NHSL1: variants seen among roughly 807,000 people sequenced by gnomAD.
The protein encoded by NHSL1 is NHS like 1.
A neutral mutation model predicts 95.0 loss-of-function variants in NHSL1; 48 were observed. That is an observed-to-expected ratio of 0.51 (90% confidence interval 0.40 to 0.64). NHSL1 has a LOEUF of 0.64. NHSL1 is among the 30% of genes least tolerant of loss of function. The pLI, the probability that NHSL1 is intolerant of heterozygous loss-of-function variation, is 0.00. For missense variants in NHSL1, 1,971 were observed against 2,077.7 expected (o/e 0.95, Z 1.00); for synonymous variants, 783 against 833.9 (o/e 0.94, Z 1.05).
intron 1 of NHSL1, among the ~76,000 whole-genome samples, chr6:138,570,589 T>C (rs375754034): frequency 3.3e-5 from 5 of 152,236 alleles, no homozygotes; most frequent in South Asian, 4.1e-4. Flanking sequence ...TCTTGTGCCA[T>C]AGTTTAACAG....
intron 2 of NHSL1, among the ~76,000 whole-genome samples, chr6:138,484,742 CCAAAA>C (rs1023683151): frequency 6.6e-6 from 1 of 152,030 alleles, no homozygotes; most frequent in Non-Finnish European, 1.5e-5. Context: ...TTAAAACCTC[CCAAAA>C]CAAAACAAAA....
In NHSL1 at chr6:138,432,843, A is replaced by G; in HGVS notation, c.1502T>C (p.Val501Ala). 6.4e-7 allele frequency: 1 copy of G among 1,551,486 alleles called. No individual in the cohort carries two copies. ...CCTATTTGCTGGAGCATTTAGAGGGACGGCTGAGTCACAGAGGGACAACAG... is the reference window on the plus strand; with the variant it reads ...CCTATTTGCTGGAGCATTTAGAGGGGCGGCTGAGTCACAGAGGGACAACAG... ...PALLSLCDSA[V>A]PLNAPANREN... Residue 501 changes from valine (V) to alanine (A), a missense_variant, in exon 6 of 8, where the codon GTC becomes GCC. This residue lies in a region of NHSL1 where 1,602 missense variants were observed against 1,654.5 expected (regional missense o/e 0.97). Coordinates refer to ENST00000343505, the MANE Select transcript of NHSL1 (RefSeq NM_001144060.2). The surrounding 1 kb of genome is among the most constrained non-coding windows in gnomAD (Gnocchi z 4.4).
chr6:138,451,031 G>A (rs1357042807), intron 3 of NHSL1, among the ~76,000 whole-genome samples: 1 of 152,044 alleles, frequency 6.6e-6, no homozygotes, highest in Non-Finnish European at 1.5e-5. Context: ...AATACAGCAG[G>A]CGAAGGAATC....
chr6:138,429,394 T>G (rs1255775115), intron 7 of NHSL1, among the ~76,000 whole-genome samples: 1 of 152,220 alleles, frequency 6.6e-6, no homozygotes, highest in East Asian at 1.9e-4. Flanking sequence ...TGTCAGTCAC[T>G]TTAATCCGAC....
intron 1 of NHSL1, chr6:138,651,048 C>G: frequency 1.0e-5 from 4 of 391,640 alleles, no homozygotes; most frequent in South Asian, 7.8e-5. Context: ...TCTAAATTAC[C>G]TCGTATTTTG....
At chr6:138,567,292 TA>T (rs1783657038) in intron 1 of NHSL1, among the ~76,000 whole-genome samples, 1 of 152,104 alleles carries the variant, frequency 6.6e-6, no homozygotes, top group Non-Finnish European at 1.5e-5. Flanking sequence ...CACACTTGAC[TA>T]CTTTTTCTAT....
At chr6:138,683,419 A>G (rs1239663921) in intron 1 of NHSL1, among the ~76,000 whole-genome samples, 1 of 152,216 alleles carries the variant, frequency 6.6e-6, no homozygotes, top group Admixed American at 6.5e-5. Context: ...AATGTCACCA[A>G]AACAACAGCA....
chr6:138,575,814 C>A (rs1783960682), upstream of NHSL1, among the ~76,000 whole-genome samples: 1 of 152,152 alleles, frequency 6.6e-6, no homozygotes, highest in South Asian at 2.1e-4. Flanking sequence ...CCACGATGAA[C>A]CCCACATTTT....
intron 1 of NHSL1, among the ~76,000 whole-genome samples, chr6:138,577,717 A>G (rs1783992524): frequency 6.6e-6 from 1 of 152,174 alleles, no homozygotes; most frequent in Non-Finnish European, 1.5e-5. Context: ...AGGTTTTCCA[A>G]CTGTCATCTC....
At chr6:138,536,118 A>C (rs148461671) in intron 1 of NHSL1, among the ~76,000 whole-genome samples, 8 of 152,236 alleles carry the variant, frequency 5.3e-5, no homozygotes, top group African/African-American at 1.9e-4. Context: ...TCTGGGAGAA[A>C]CCTGTGGTAT....
At chr6:138,588,834 C>T (rs963892928) in intron 1 of NHSL1, among the ~76,000 whole-genome samples, 2 of 152,156 alleles carry the variant, frequency 1.3e-5, no homozygotes, top group South Asian at 2.1e-4. Flanking sequence ...AGACTTTTAA[C>T]GGCTTCTTGT....
At chr6:138,470,653 A>G (rs1778692156) in intron 3 of NHSL1, 1 of 152,216 alleles carries the variant, frequency 6.6e-6, no homozygotes, top group African/African-American at 2.4e-5. Flanking sequence ...GAAAGTTAAG[A>G]TTTGAAAGTG....
intron 1 of NHSL1, among the ~76,000 whole-genome samples, chr6:138,630,657 T>A (rs1784807392): frequency 6.6e-6 from 1 of 152,224 alleles, no homozygotes; most frequent in South Asian, 2.1e-4. Flanking sequence ...AATGCTGGGA[T>A]TACAGGCGTG....
chr6:138,464,309 C>G, intron 3 of NHSL1: 1 of 665,578 alleles, frequency 1.5e-6, no homozygotes. Flanking sequence ...GGACTGGGCC[C>G]TCAGCGCCAC....
At chr6:138,618,383 C>T (rs1784609613) in intron 1 of NHSL1, among the ~76,000 whole-genome samples, 2 of 152,146 alleles carry the variant, frequency 1.3e-5, no homozygotes, top group African/African-American at 2.4e-5. Flanking sequence ...TTTGAATTCC[C>T]GAGAAGATTT....
chr6:138,628,645 G>A (rs1216485771), intron 1 of NHSL1, among the ~76,000 whole-genome samples: 2 of 152,202 alleles, frequency 1.3e-5, no homozygotes, highest in Non-Finnish European at 2.9e-5. Flanking sequence ...GTACCTGGAA[G>A]GTTGAGGCAG....
intron 2 of NHSL1, among the ~76,000 whole-genome samples, chr6:138,490,907 T>C (rs556047558): frequency 5.4e-4 from 83 of 152,312 alleles, no homozygotes; most frequent in Non-Finnish European, 9.1e-4. Flanking sequence ...ACTGGGATTA[T>C]AGGCGTGAGC....
chr6:138,672,809 G>A (rs527990354), intron 1 of NHSL1, among the ~76,000 whole-genome samples: 4 of 152,214 alleles, frequency 2.6e-5, no homozygotes, highest in South Asian at 2.1e-4. Context: ...ACGAGGTCAG[G>A]AAATCAAGAC....
intron 4 of NHSL1, among the ~76,000 whole-genome samples, chr6:138,445,110 A>G (rs4895527): frequency 0.069 from 10,501 of 152,226 alleles, 820 homozygotes; most frequent in East Asian, 0.36. Flanking sequence ...CTGTTGTGAC[A>G]GTGTAATTCA....
Sources: gnomAD v4.1 joint callset for allele counts (sites outside exome capture counted in the v4.1 genomes callset) on GRCh38, gnomAD v4.1.1 for gene constraint, gnomAD v4.1.1 regional missense constraint, Gnocchi (gnomAD v3.1) non-coding constraint, MANE v1.5 for transcripts, NCBI Gene and HGNC (gene_info 2026-07-23, HGNC 2026-07-21) for gene names.